Variants in SLC28A3 observed in about 807,000 individuals in gnomAD.
SLC28A3 encodes solute carrier family 28 member 3.
SLC28A3 carries 68 observed loss-of-function variants against 84.2 expected under a neutral mutation model. The ratio of observed to expected loss-of-function variants is 0.81; its 90% confidence interval spans 0.66 to 0.99. The LOEUF is 0.99. Among genes scored for constraint, SLC28A3 ranks in the 50% least tolerant of loss-of-function variants. The pLI is 0.00. For synonymous variants in SLC28A3, 267 were observed against 303.6 expected (o/e 0.88, Z 1.25); for missense variants, 712 against 841.5 (o/e 0.85, Z 1.90).
At chr9:84,335,979 T>G (rs963374710) in intron 1 of SLC28A3, among the ~76,000 whole-genome samples, 11 of 151,912 alleles carry the variant, frequency 7.2e-5, no homozygotes, top group African/African-American at 2.7e-4. Context: ...GTTTGGATTA[T>G]GACAGTAACT....
At chr9:84,361,212 G>T in the SLC28A3 span, among the ~76,000 whole-genome samples, 19 of 152,130 alleles carry the variant, frequency 1.2e-4, no homozygotes, top group African/African-American at 4.1e-4. Flanking sequence ...GGGTGTGGTT[G>T]TGGGCGCTTG....
At chr9:84,300,595 A>G (rs1037982698) in intron 5 of SLC28A3, among the ~76,000 whole-genome samples, 1 of 152,194 alleles carries the variant, frequency 6.6e-6, no homozygotes, top group Admixed American at 6.5e-5. Context: ...TTAATAGGCC[A>G]AGGATGTGTG....
chr9:84,310,517 T>C (rs1224446370), intron 2 of SLC28A3: 1 of 985,416 alleles, frequency 1.0e-6, no homozygotes, highest in Non-Finnish European at 1.2e-6. Context: ...GCAGTTTGAG[T>C]GTGCTCTAAG....
At chr9:84,360,039 ATGT>A in the SLC28A3 span, among the ~76,000 whole-genome samples, 1 of 151,720 alleles carries the variant, frequency 6.6e-6, no homozygotes, top group Non-Finnish European at 1.5e-5. Context: ...CTTAAGACTA[ATGT>A]TGTTAAATCT....
chr9:84,290,429 C>T (rs1030232294), intron 10 of SLC28A3, 150 bp from the exon 11 acceptor site: 19 of 939,018 alleles, frequency 2.0e-5, no homozygotes, highest in Non-Finnish European at 2.7e-5. Context: ...CCTGGAAACT[C>T]GTTAGAAATG....
At chr9:84,289,045 C>T (rs1429808422) in intron 11 of SLC28A3, among the ~76,000 whole-genome samples, 1 of 152,122 alleles carries the variant, frequency 6.6e-6, no homozygotes, top group Non-Finnish European at 1.5e-5. Flanking sequence ...ATTGCAGGTC[C>T]ACTCGTTCCC....
intron 14 of SLC28A3, among the ~76,000 whole-genome samples, chr9:84,284,464 T>C (rs995956801): frequency 4.6e-5 from 7 of 152,280 alleles, no homozygotes; most frequent in Non-Finnish European, 1.0e-4. Context: ...GGTAGTGTTG[T>C]TTGTGGGTGA....
At chr9:84,352,428 C>G in the SLC28A3 span, among the ~76,000 whole-genome samples, 1 of 151,998 alleles carries the variant, frequency 6.6e-6, no homozygotes, top group African/African-American at 2.4e-5. Flanking sequence ...CATGATCCGC[C>G]TGCCTGTGCC....
the SLC28A3 span, among the ~76,000 whole-genome samples, chr9:84,352,806 T>C: frequency 6.7e-6 from 1 of 149,430 alleles, no homozygotes. Flanking sequence ...GGTACAAGGA[T>C]TGCTTGAACC....
At chr9:84,322,572 T>C (rs1826415111) in intron 1 of SLC28A3, among the ~76,000 whole-genome samples, 2 of 152,152 alleles carry the variant, frequency 1.3e-5, no homozygotes, top group Non-Finnish European at 2.9e-5. Flanking sequence ...AGGCCCAGTG[T>C]GGTGGCTGAT....
the SLC28A3 span, among the ~76,000 whole-genome samples, chr9:84,365,374 AT>A: frequency 1.4e-4 from 21 of 152,050 alleles, no homozygotes; most frequent in Middle Eastern, 6.8e-3. Flanking sequence ...GGATTATTAG[AT>A]TTTTTTTCCT....
At chr9:84,365,793 G>A in the SLC28A3 span, among the ~76,000 whole-genome samples, 8 of 152,230 alleles carry the variant, frequency 5.3e-5, no homozygotes, top group African/African-American at 1.7e-4. Flanking sequence ...GCTTACACCT[G>A]TAATCCCAGT....
chr9:84,290,650 C>T (rs112795894), intron 10 of SLC28A3, among the ~76,000 whole-genome samples: 1 of 152,084 alleles, frequency 6.6e-6, no homozygotes, highest in Non-Finnish European at 1.5e-5. Context: ...AGGCCTCCAC[C>T]CAGCCTAGGA....
At chr9:84,338,505 A>G (rs1827055901) in intron 1 of SLC28A3, among the ~76,000 whole-genome samples, 1 of 152,150 alleles carries the variant, frequency 6.6e-6, no homozygotes, top group Non-Finnish European at 1.5e-5. Flanking sequence ...GATGACAGGA[A>G]ATTTTACAGA....
chr9:84,315,901 C>T lies in SLC28A3; in HGVS notation c.61-2447G>A, dbSNP rs193000284. Among the ~76,000 whole-genome samples the T allele has an allele frequency of 9.2e-5, 14 of 152,332 alleles. No homozygotes were observed. In the East Asian group the frequency reaches 2.7e-3, roughly 29 times the overall value. On this transcript the variant is annotated intron_variant, in intron 1 of 17. Transcript: ENST00000376238. ...TTGCACACTTAACGCCCTACAACCA[C>T]GACTGCGTTCTCATGGTAAAATCTA...
chr9:84,279,334 T>C lies in SLC28A3; in HGVS notation c.1880A>G (p.Asn627Ser), dbSNP rs1588552968. The C allele has an allele frequency of 6.2e-7, 1 of 1,613,448 alleles. No homozygotes were observed. The highest frequency in any genetic ancestry group is 8.5e-7 in the Non-Finnish European group (1 of 1,179,572). The change falls in exon 17 of 18, where the codon AAT becomes AGT. Residue 627 changes from asparagine to serine, a missense_variant. Transcript: ENST00000376238. ...TCCAGGGAAAGTGGAGTTGAAGGCA[T>C]TCTCTAAAACGTGATGGCAGTTGAT... ...VDINCHHVLE[N>S]AFNSTFPGNT... is the part of the protein sequence containing the mutation.
chr9:84,319,424 G>C (rs370536409), intron 1 of SLC28A3, among the ~76,000 whole-genome samples: 5 of 152,148 alleles, frequency 3.3e-5, no homozygotes, highest in South Asian at 2.1e-4. Context: ...CAGCACTTTG[G>C]GGGGCTGAGG....
intron 12 of SLC28A3, 52 bp downstream of exon 12, chr9:84,287,996 T>G (rs1564148245): frequency 6.2e-7 from 1 of 1,609,632 alleles, no homozygotes; most frequent in East Asian, 2.2e-5. Context: ...ACTCCTGGAG[T>G]CCCCCGCCCC....
intron 1 of SLC28A3, among the ~76,000 whole-genome samples, chr9:84,329,843 A>G: frequency 6.6e-6 from 1 of 152,084 alleles, no homozygotes; most frequent in Non-Finnish European, 1.5e-5. Context: ...AGGCCAGCCT[A>G]GGCAACATAG....
Sources: gnomAD v4.1 joint callset for allele counts (sites outside exome capture counted in the v4.1 genomes callset) on GRCh38, gnomAD v4.1.1 for gene constraint, MANE v1.5 for transcripts, NCBI Gene and HGNC (gene_info 2026-07-23, HGNC 2026-07-21) for gene names.